Variants in DOK5 observed in about 807,000 individuals in gnomAD.
The protein encoded by DOK5 is docking protein 5.
In DOK5, 27 loss-of-function variants were observed where a neutral mutation model predicts 43.3. The ratio of observed to expected loss-of-function variants is 0.62; its 90% confidence interval spans 0.46 to 0.86. The LOEUF (loss-of-function observed/expected upper bound fraction) is 0.86. Among genes scored for constraint, DOK5 ranks in the 40% least tolerant of loss-of-function variants. The pLI, the probability that DOK5 is intolerant of heterozygous loss-of-function variation, is 0.00. For synonymous variants in DOK5, 146 were observed against 140.1 expected, an observed-to-expected ratio of 1.04 and a Z score of -0.30; for missense variants, 373 against 392.9, an observed-to-expected ratio of 0.95 and a Z score of 0.43.
chr20:54,563,101 C>G (rs1290092679), intron 2 of DOK5, among the ~76,000 whole-genome samples: 1 of 152,200 alleles, frequency 6.6e-6, no homozygotes, highest in Non-Finnish European at 1.5e-5. Flanking sequence ...AGGACTGCGG[C>G]AGCCACCAGA....
At chr20:54,599,839 G>C (rs888291062) in intron 5 of DOK5, among the ~76,000 whole-genome samples, 7 of 152,270 alleles carry the variant, frequency 4.6e-5, no homozygotes, top group Non-Finnish European at 7.4e-5. Context: ...CTAATGCCTG[G>C]TGTGGTTTTA....
chr20:54,568,610 A>T (rs1229433571), intron 2 of DOK5, among the ~76,000 whole-genome samples: 2 of 152,144 alleles, frequency 1.3e-5, no homozygotes, highest in South Asian at 2.1e-4. Flanking sequence ...TTAAGTTATT[A>T]AAAAAAGCAT....
rs1015125518 is a variant in DOK5, at chr20:54,547,746, G to A, written c.67-7187G>A. Among the ~76,000 whole-genome samples the A allele has an allele frequency of 8.5e-5, 13 of 152,174 alleles. 1 individual carries two copies. The highest frequency in any genetic ancestry group is 7.2e-4 in the Admixed American group (11 of 15,278). On this transcript the variant is annotated intron_variant, in intron 1 of 7. Transcript: ENST00000262593. ...CAACAACAAAGTACATGCTGAATGA[G>A]ATTTTCATGTAACTACTAAATCTGC...
At chr20:54,518,664 G>T (rs1045973207) in intron 1 of DOK5, among the ~76,000 whole-genome samples, 1 of 152,076 alleles carries the variant, frequency 6.6e-6, no homozygotes, top group African/African-American at 2.4e-5. Context: ...TGAGTCAAAT[G>T]GTATTTCTAG....
chr20:54,637,246 A>AT (rs1403287740), intron 6 of DOK5, among the ~76,000 whole-genome samples: 5 of 152,194 alleles, frequency 3.3e-5, no homozygotes, highest in African/African-American at 1.2e-4. Flanking sequence ...ACATAAGTCG[A>AT]TTGATTGCTT....
At chr20:54,531,367 C>T (rs1424987267) in intron 1 of DOK5, among the ~76,000 whole-genome samples, 3 of 152,142 alleles carry the variant, frequency 2.0e-5, no homozygotes, top group Non-Finnish European at 4.4e-5. Flanking sequence ...GGAAGTCTTT[C>T]AATTTTGAGT....
chr20:54,525,123 C>T (rs1983535804), intron 1 of DOK5, among the ~76,000 whole-genome samples: 1 of 152,170 alleles, frequency 6.6e-6, no homozygotes, highest in South Asian at 2.1e-4. Flanking sequence ...TTATGAGTGT[C>T]CTTGCCCTGA....
intron 1 of DOK5, among the ~76,000 whole-genome samples, chr20:54,493,743 C>T (rs529044345): frequency 2.2e-4 from 33 of 151,730 alleles, no homozygotes; most frequent in Non-Finnish European, 4.0e-4. Flanking sequence ...TTGAGACAAA[C>T]CTGGGCAACA....
rs869031533 is a variant in DOK5 at position 54,644,997 on chromosome 20, C to CTT, written c.856+1446_856+1447dup. On this transcript the variant is annotated intron_variant, in intron 7 of 7. Coordinates refer to ENST00000262593, the MANE Select transcript of DOK5 (RefSeq NM_018431.5). ...TGTGGGGGATACTTGTAAAAAAACT[C>CTT]TTTTTTTTTTTTTTTTTTTTTTTTT... is the stretch of plus-strand genomic sequence containing the variant. Among the ~76,000 whole-genome samples the CTT allele has an allele frequency of 1.7e-3, 139 of 82,418 alleles. 12 individuals are homozygous for CTT. Among genetic ancestry groups the CTT allele is most frequent in the African/African-American group, 3.1e-3 (67 of 21,704 alleles). 54.1% of individuals were successfully genotyped at this position (82,418 alleles called of 152,430 possible).
chr20:54,561,857 T>G (rs919242765), intron 2 of DOK5, among the ~76,000 whole-genome samples: 31 of 152,234 alleles, frequency 2.0e-4, no homozygotes, highest in African/African-American at 7.5e-4. Context: ...GGGTTTCTCC[T>G]TGTGGGTCAG....
chr20:54,526,146 T>A (rs961210589), intron 1 of DOK5, among the ~76,000 whole-genome samples: 3 of 152,114 alleles, frequency 2.0e-5, no homozygotes, highest in Non-Finnish European at 4.4e-5. Context: ...TTTTCTTTTT[T>A]TTTTTTTTTA....
intron 1 of DOK5, among the ~76,000 whole-genome samples, chr20:54,528,683 G>A (rs1007936615): frequency 6.6e-6 from 1 of 152,182 alleles, no homozygotes; most frequent in Non-Finnish European, 1.5e-5. Context: ...GCACATTGCC[G>A]AGGGTTTTGT....
intron 7 of DOK5, among the ~76,000 whole-genome samples, chr20:54,649,436 A>AAAATG (rs1979596217): frequency 6.6e-6 from 1 of 152,188 alleles, no homozygotes; most frequent in East Asian, 1.9e-4. Flanking sequence ...AAAATAAAAT[A>AAAATG]AAAACAACAT....
In DOK5 at chr20:54,585,256, A is replaced by T. The variant is rs1001098210; in HGVS notation, c.175-3227A>T. 3.9e-5 allele frequency among the ~76,000 whole-genome samples: 6 copies of T among 152,088 alleles called. 1 individual carries two copies. The highest frequency in any genetic ancestry group is 5.9e-5 in the Non-Finnish European group (4 of 68,028). On this transcript the variant is annotated intron_variant, in intron 2 of 7. Transcript: ENST00000262593. The stretch of plus-strand genomic sequence containing the variant: ...AAAATTTGATTGTCCTTTGACCCAT[A>T]AAATTATGACCCTGGCTGCTCTGGG...
chr20:54,618,545 A>G (rs367845932), intron 6 of DOK5, among the ~76,000 whole-genome samples: 105 of 152,028 alleles, frequency 6.9e-4, no homozygotes, highest in African/African-American at 2.5e-3. Flanking sequence ...GTGTTTCACT[A>G]TGTTGGCCAG....
intron 7 of DOK5, among the ~76,000 whole-genome samples, chr20:54,647,791 G>A (rs1282386020): frequency 6.6e-6 from 1 of 152,206 alleles, no homozygotes; most frequent in African/African-American, 2.4e-5. Flanking sequence ...AGGGCTCTGA[G>A]ATGCCCTGCA....
intron 1 of DOK5, among the ~76,000 whole-genome samples, chr20:54,482,136 A>G (rs1466812864): frequency 6.6e-6 from 1 of 152,210 alleles, no homozygotes; most frequent in Non-Finnish European, 1.5e-5. Flanking sequence ...CCTTTATAAG[A>G]TTTTTTATGA....
chr20:54,556,174 C>T (rs575867430), intron 2 of DOK5, among the ~76,000 whole-genome samples: 7 of 152,230 alleles, frequency 4.6e-5, no homozygotes, highest in South Asian at 4.1e-4. Flanking sequence ...TCAAGGGTGG[C>T]GTCTTCCATG....
intron 1 of DOK5, among the ~76,000 whole-genome samples, chr20:54,512,875 G>C (rs1983058788): frequency 6.6e-6 from 1 of 152,118 alleles, no homozygotes; most frequent in Non-Finnish European, 1.5e-5. Context: ...AACATTTGTG[G>C]GGGCCTAAGC....
Sources: allele counts gnomAD v4.1 joint callset (sites outside exome capture counted in the v4.1 genomes callset), GRCh38; gene constraint gnomAD v4.1.1; transcripts MANE v1.5; gene names NCBI Gene and HGNC (gene_info 2026-07-23, HGNC 2026-07-21).